Variants in ACSL4 observed in about 807,000 individuals in gnomAD.
The protein encoded by ACSL4 is acyl-CoA synthetase long chain family member 4.
ACSL4 carries 9 observed loss-of-function variants against 49.1 expected under a neutral mutation model. That is an observed-to-expected ratio of 0.18 (90% confidence interval 0.11 to 0.32). ACSL4 has a LOEUF of 0.32. Among genes scored for constraint, ACSL4 ranks in the 10% least tolerant of loss-of-function variants. ACSL4 has a pLI of 1.00. For missense variants in ACSL4, 333 were observed against 493.7 expected (o/e 0.67, Z 3.08); for synonymous variants, 191 against 170.3 (o/e 1.12, Z -0.95).
chrX:109,680,981 T>G lies in ACSL4; in HGVS notation c.655+17A>C. Reference sequence around the variant, plus strand: ...CTTGGAATAGGTAAATAAAATTGTTTTTACTGCTTTACTTACAGTTTTCTG... The same window carrying G: ...CTTGGAATAGGTAAATAAAATTGTTGTTACTGCTTTACTTACAGTTTTCTG... On this transcript the variant is annotated intron_variant, in intron 6 of 15. Transcript: ENST00000672401. 8.3e-7 allele frequency: 1 copy of G among 1,207,442 alleles called. No homozygotes were observed. Among genetic ancestry groups the G allele is most frequent in the Non-Finnish European group, 1.1e-6 (1 of 892,478 alleles).
At chrX:109,671,662 G>A (rs1366571177) in intron 9 of ACSL4, among the ~76,000 whole-genome samples, 1 of 112,632 alleles carries the variant, frequency 8.9e-6, no homozygotes, top group Non-Finnish European at 1.9e-5. Context: ...AAAAGAAAGA[G>A]AGATCAGATT....
chrX:109,683,109 T>C, intron 3 of ACSL4, 27 bp downstream of exon 3: 1 of 1,187,237 alleles, frequency 8.4e-7, no homozygotes. Flanking sequence ...CTTTAAAACA[T>C]AAATGAAAAG....
chrX:109,727,990 C>T (rs1239439567), intron 1 of ACSL4, among the ~76,000 whole-genome samples: 2 of 112,396 alleles, frequency 1.8e-5, no homozygotes, highest in Non-Finnish European at 3.8e-5. Context: ...ATCTACTTCC[C>T]TCACTGCACA....
Position 109,643,708 on chromosome X carries a change from C to T in ACSL4, c.*321G>A, listed in dbSNP as rs1934517431. 1 of 200,190 alleles carries T rather than the reference C, an allele frequency of 5.0e-6. No homozygotes were observed. 16.5% of individuals were successfully genotyped at this position (200,190 alleles called of 1,213,427 possible). ...CTCAAACTACATTCTACTCCAACTC[C>T]AATTTATTTTGTTCAACATTAAATA... On this transcript the variant is annotated 3_prime_UTR_variant, in exon 16 of 16. Transcript: ENST00000672401.
chrX:109,723,230 G>A (rs1732323630), intron 1 of ACSL4, among the ~76,000 whole-genome samples: 2 of 111,132 alleles, frequency 1.8e-5, no homozygotes, highest in African/African-American at 6.5e-5. Context: ...TATCAAAATA[G>A]TAATTGTATT....
intron 1 of ACSL4, among the ~76,000 whole-genome samples, chrX:109,729,320 G>A (rs1410652999): frequency 1.8e-5 from 2 of 112,164 alleles, no homozygotes; most frequent in African/African-American, 6.5e-5. Flanking sequence ...ACAGAGAATG[G>A]CAAATAAACA....
intron 1 of ACSL4, 99 bp from the exon 2 acceptor site, chrX:109,696,295 C>T (rs1280540506): frequency 1.8e-5 from 2 of 112,100 alleles, no homozygotes; most frequent in African/African-American, 6.5e-5. Context: ...TGCACCTTAG[C>T]TCATAAGCCA....
chrX:109,719,998 A>AAAAC (rs985692299), intron 1 of ACSL4, among the ~76,000 whole-genome samples: 1 of 109,309 alleles, frequency 9.1e-6, no homozygotes. Flanking sequence ...CATCTCACAA[A>AAAAC]AAACAAACAA....
intron 1 of ACSL4, among the ~76,000 whole-genome samples, chrX:109,714,863 A>G (rs1927003791): frequency 8.9e-6 from 1 of 112,263 alleles, no homozygotes; most frequent in Non-Finnish European, 1.9e-5. Context: ...TGTCCCTGTC[A>G]TTAAGCAACC....
At chrX:109,685,594 T>A (rs975110486) in intron 2 of ACSL4, 4 of 111,477 alleles carry the variant, frequency 3.6e-5, no homozygotes, top group African/African-American at 9.8e-5. Flanking sequence ...ATTGTTTTTA[T>A]ACCATCTAAT....
At chrX:109,680,947 A>G in intron 6 of ACSL4, 51 bp downstream of exon 6, 1 of 1,175,985 alleles carries the variant, frequency 8.5e-7, no homozygotes, top group Non-Finnish European at 1.2e-6. Flanking sequence ...AACCTACCAA[A>G]ATAACAAACT....
intron 1 of ACSL4, among the ~76,000 whole-genome samples, chrX:109,716,460 A>T (rs975339324): frequency 1.8e-5 from 2 of 112,202 alleles, no homozygotes; most frequent in South Asian, 3.6e-4. Flanking sequence ...TGAGGTTCTG[A>T]AAGAATAGAG....
intron 2 of ACSL4, among the ~76,000 whole-genome samples, chrX:109,689,543 G>C (rs778560472): frequency 8.9e-6 from 1 of 112,098 alleles, no homozygotes; most frequent in African/African-American, 3.2e-5. Flanking sequence ...GCTTTCCCTG[G>C]AACATTCTTC....
chrX:109,722,066 T>C (rs1021883013), intron 1 of ACSL4, among the ~76,000 whole-genome samples: 1 of 111,709 alleles, frequency 9.0e-6, no homozygotes, highest in African/African-American at 3.3e-5. Context: ...GCCTTCACAT[T>C]AACACCATTG....
chrX:109,674,286 TA>T, intron 9 of ACSL4, 115 bp downstream of exon 9: 1 of 640,121 alleles, frequency 1.6e-6, no homozygotes, highest in Non-Finnish European at 2.5e-6. Flanking sequence ...TTCAACAAGG[TA>T]AAATTATTTT....
At chrX:109,668,566 T>C (rs1014656275) in intron 10 of ACSL4, among the ~76,000 whole-genome samples, 1 of 111,935 alleles carries the variant, frequency 8.9e-6, no homozygotes, top group Non-Finnish European at 1.9e-5. Flanking sequence ...CTTTGGAACA[T>C]TTAATCACCT....
intron 12 of ACSL4, among the ~76,000 whole-genome samples, chrX:109,664,013 G>A (rs1270196935): frequency 9.0e-6 from 1 of 111,275 alleles, no homozygotes; most frequent in Non-Finnish European, 1.9e-5. Context: ...CTTACTTTAA[G>A]GAAAATATAC....
At chrX:109,644,681 G>T (rs1934566038) in intron 15 of ACSL4, among the ~76,000 whole-genome samples, 1 of 112,416 alleles carries the variant, frequency 8.9e-6, no homozygotes, top group South Asian at 3.7e-4. Context: ...GAGGAGCCAA[G>T]ATGGCCAAAT....
intron 1 of ACSL4, among the ~76,000 whole-genome samples, chrX:109,716,519 T>C (rs1927131728): frequency 8.9e-6 from 1 of 112,118 alleles, no homozygotes; most frequent in African/African-American, 3.2e-5. Context: ...CTAAAACATC[T>C]TGATCAATTT....
Sources: allele counts gnomAD v4.1 joint callset (sites outside exome capture counted in the v4.1 genomes callset), GRCh38; gene constraint gnomAD v4.1.1; transcripts MANE v1.5; gene names NCBI Gene and HGNC (gene_info 2026-07-23, HGNC 2026-07-21).